Variants in GRID2 observed in about 807,000 individuals in gnomAD.
GRID2 encodes the protein glutamate receptor ionotropic, delta-2.
GRID2 carries 33 observed loss-of-function variants against 114.8 expected under a neutral mutation model. The ratio of observed to expected loss-of-function variants is 0.29; its 90% confidence interval spans 0.22 to 0.38. GRID2 has a LOEUF of 0.38. Ranked by LOEUF, GRID2 falls within the 10% of genes least tolerant of loss-of-function variation. The pLI is 1.00. For missense variants in GRID2, 1,184 were observed against 1,257.7 expected (o/e 0.94, Z 0.89); for synonymous variants, 505 against 449.9 (o/e 1.12, Z -1.55).
intron 1 of GRID2, among the ~76,000 whole-genome samples, chr4:92,428,106 C>CA (rs1247495270): frequency 4.6e-5 from 7 of 151,720 alleles, no homozygotes; most frequent in East Asian, 1.9e-4. Context: ...ACTAAAAATA[C>CA]AAAAAATTAG....
At chr4:92,975,586 A>T (rs1386352338) in intron 2 of GRID2, among the ~76,000 whole-genome samples, 1 of 152,078 alleles carries the variant, frequency 6.6e-6, no homozygotes, top group Non-Finnish European at 1.5e-5. Flanking sequence ...CTTCTCTGTC[A>T]CCTCACTTTT....
intron 1 of GRID2, among the ~76,000 whole-genome samples, chr4:92,379,018 A>T (rs1729487514): frequency 6.6e-6 from 1 of 151,940 alleles, no homozygotes; most frequent in Non-Finnish European, 1.5e-5. Flanking sequence ...TGTAAAGGAA[A>T]TTACTCCAGG....
intron 8 of GRID2, among the ~76,000 whole-genome samples, chr4:93,371,528 C>A (rs1486776324): frequency 6.6e-6 from 1 of 152,006 alleles, no homozygotes; most frequent in Non-Finnish European, 1.5e-5. Context: ...TCTAACTGGC[C>A]TTCGTTGGAC....
chr4:93,311,921 A>C (rs1444206099), intron 8 of GRID2, among the ~76,000 whole-genome samples: 1 of 152,228 alleles, frequency 6.6e-6, no homozygotes, highest in Non-Finnish European at 1.5e-5. Context: ...TGAATGGATA[A>C]AAAATGAAGG....
chr4:93,577,570 A>G (rs1440857993), intron 13 of GRID2, among the ~76,000 whole-genome samples: 1 of 152,188 alleles, frequency 6.6e-6, no homozygotes, highest in African/African-American at 2.4e-5. Context: ...TTGGAGGAAA[A>G]GATTACATAT....
intron 1 of GRID2, among the ~76,000 whole-genome samples, chr4:92,315,122 T>G (rs545840193): frequency 6.6e-6 from 1 of 152,260 alleles, no homozygotes; most frequent in South Asian, 2.1e-4. Flanking sequence ...AACCATAAGT[T>G]GTGTATTTTG....
At chr4:93,270,091 G>A (rs764112508) in intron 8 of GRID2, among the ~76,000 whole-genome samples, 5 of 152,004 alleles carry the variant, frequency 3.3e-5, no homozygotes, top group Admixed American at 6.6e-5. Flanking sequence ...TAAGGAAGTT[G>A]ACTTTAGAAA....
intron 4 of GRID2, among the ~76,000 whole-genome samples, chr4:93,180,435 T>C (rs1739781082): frequency 1.3e-5 from 2 of 152,140 alleles, no homozygotes; most frequent in Non-Finnish European, 1.5e-5. Context: ...TGATGACTGC[T>C]GACTGATCAG....
chr4:92,793,714 T>C (rs1015859666), intron 2 of GRID2, among the ~76,000 whole-genome samples: 2 of 151,904 alleles, frequency 1.3e-5, no homozygotes, highest in Admixed American at 1.3e-4. Flanking sequence ...GAGCTGAAAG[T>C]TGGCTCTCTA....
chr4:93,332,267 CGTGTGTGTGTGTGTGT>C, intron 8 of GRID2, among the ~76,000 whole-genome samples: 1 of 134,016 alleles, frequency 7.5e-6, no homozygotes, highest in East Asian at 2.2e-4. Flanking sequence ...TGTGTGTGTG[CGTGTGTGTGTGTGTGT>C]GTGTGTGTGT....
chr4:93,394,638 A>G (rs986094728), intron 8 of GRID2, among the ~76,000 whole-genome samples: 2 of 151,968 alleles, frequency 1.3e-5, no homozygotes, highest in Non-Finnish European at 2.9e-5. Context: ...CAGTTAATCA[A>G]AACAGTCTCT....
intron 8 of GRID2, among the ~76,000 whole-genome samples, chr4:93,302,898 T>TA (rs765984202): frequency 2.6e-5 from 4 of 152,224 alleles, no homozygotes; most frequent in Non-Finnish European, 4.4e-5. Context: ...AAAGAATGTA[T>TA]ATTAGTCCAT....
chr4:93,514,258 G>A (rs956841453), intron 12 of GRID2, among the ~76,000 whole-genome samples: 6 of 151,980 alleles, frequency 3.9e-5, no homozygotes, highest in Non-Finnish European at 7.4e-5. Context: ...GAGGGAAATC[G>A]ACCACCAATT....
At chr4:93,004,445 A>C (rs1721302210) in intron 2 of GRID2, among the ~76,000 whole-genome samples, 1 of 151,950 alleles carries the variant, frequency 6.6e-6, no homozygotes, top group South Asian at 2.1e-4. Flanking sequence ...GCAAAGCCTA[A>C]ACTATCTTCA....
At chr4:92,369,357 C>T (rs948062407) in intron 1 of GRID2, among the ~76,000 whole-genome samples, 4 of 152,046 alleles carry the variant, frequency 2.6e-5, no homozygotes, top group Admixed American at 2.6e-4. Flanking sequence ...AGAAAGGTGA[C>T]TTATCTGAGA....
At chr4:93,236,655 ACCTTCAC>A (rs1746835587) in intron 7 of GRID2, among the ~76,000 whole-genome samples, 1 of 152,000 alleles carries the variant, frequency 6.6e-6, no homozygotes, top group Admixed American at 6.6e-5. Flanking sequence ...AATTAGACCA[ACCTTCAC>A]CCTCAGTTGC....
Position 93,769,283 on chromosome 4 carries a change from G to A in GRID2, c.2434G>A (p.Asp812Asn). The A allele has an allele frequency of 6.2e-7, 1 of 1,614,046 alleles. No individual in the cohort carries two copies. Among genetic ancestry groups the A allele is most frequent in the South Asian group, 1.1e-5 (1 of 91,076 alleles). Reference protein sequence around the residue: ...HKWWPKNGQCDLYSSVDTKQK... With the variant: ...HKWWPKNGQCNLYSSVDTKQK... ...ATGGTGGCCTAAGAATGGCCAGTGTGACCTGTACTCGTCAGTGGACACAAA... is the reference window on the plus strand; with the variant it reads ...ATGGTGGCCTAAGAATGGCCAGTGTAACCTGTACTCGTCAGTGGACACAAA... Residue 812 changes from aspartate to asparagine, a missense_variant, in exon 15 of 16, where the codon GAC becomes AAC. Around this residue, in one of 3 missense-constraint regions of GRID2, gnomAD observed 717 missense variants for 796.9 expected, o/e 0.90. Coordinates refer to ENST00000282020, the MANE Select transcript of GRID2 (RefSeq NM_001510.4).
chr4:93,305,182 A>T (rs571787523), intron 8 of GRID2, among the ~76,000 whole-genome samples: 2 of 152,330 alleles, frequency 1.3e-5, no homozygotes, highest in African/African-American at 4.8e-5. Context: ...GGCAAAGCTC[A>T]TAGAAATGAC....
chr4:93,245,410 C>T (rs1246061685), intron 8 of GRID2, among the ~76,000 whole-genome samples: 2 of 152,098 alleles, frequency 1.3e-5, no homozygotes, highest in East Asian at 1.9e-4. Flanking sequence ...GAGTTGGGCA[C>T]TTGATCACCA....
Sources: gnomAD v4.1 joint callset for allele counts (sites outside exome capture counted in the v4.1 genomes callset) on GRCh38, gnomAD v4.1.1 for gene constraint, gnomAD v4.1.1 regional missense constraint, MANE v1.5 for transcripts, NCBI Gene and HGNC (gene_info 2026-07-23, HGNC 2026-07-21) for gene names.